SCHIP1: variants seen among roughly 807,000 people sequenced by gnomAD.
SCHIP1 encodes schwannomin interacting protein 1, also known as schwannomin-interacting protein 1.
In SCHIP1, 8 loss-of-function variants were observed where a neutral mutation model predicts 29.7. The observed-to-expected ratio is 0.27, with a 90% CI of 0.16 to 0.49. The LOEUF (loss-of-function observed/expected upper bound fraction) is 0.49. Among genes scored for constraint, SCHIP1 ranks in the 20% least tolerant of loss-of-function variants. SCHIP1 has a pLI of 0.99. For missense variants in SCHIP1, 193 were observed against 294.6 expected (o/e 0.66, Z 2.52); for synonymous variants, 76 against 94.9 (o/e 0.80, Z 1.16).
the SCHIP1 span, among the ~76,000 whole-genome samples, chr3:159,517,552 G>A: frequency 4.6e-5 from 7 of 152,066 alleles, no homozygotes; most frequent in African/African-American, 1.2e-4. Flanking sequence ...TTACTGATAT[G>A]ATGTGTGTCA....
chr3:159,657,801 C>T, the SCHIP1 span, among the ~76,000 whole-genome samples: 125 of 152,316 alleles, frequency 8.2e-4, no homozygotes, highest in Non-Finnish European at 1.4e-3. Context: ...ATTCTGTGGA[C>T]GCAGTTGCTA....
the SCHIP1 span, among the ~76,000 whole-genome samples, chr3:159,308,105 G>T: frequency 7.2e-5 from 11 of 151,940 alleles, 1 homozygote; most frequent in East Asian, 7.7e-4. Context: ...TTTTTATTCT[G>T]TGAAGAATGA....
the SCHIP1 span, among the ~76,000 whole-genome samples, chr3:159,732,386 T>A: frequency 2.0e-5 from 3 of 152,202 alleles, no homozygotes; most frequent in African/African-American, 7.2e-5. Flanking sequence ...GGCAGCCCCA[T>A]CCTGTGTCTG....
the SCHIP1 span, among the ~76,000 whole-genome samples, chr3:159,303,620 G>A: frequency 6.6e-6 from 1 of 152,098 alleles, no homozygotes; most frequent in Admixed American, 6.5e-5. Context: ...ACTGAGCGGT[G>A]GATTGAGAGC....
At chr3:159,406,818 G>C in the SCHIP1 span, among the ~76,000 whole-genome samples, 2 of 152,160 alleles carry the variant, frequency 1.3e-5, no homozygotes, top group Non-Finnish European at 2.9e-5. Flanking sequence ...GTGTTAAGCT[G>C]TCATGAGTTT....
the SCHIP1 span, among the ~76,000 whole-genome samples, chr3:159,645,286 T>C: frequency 2.0e-5 from 3 of 152,052 alleles, no homozygotes. Context: ...ATCAGGCTTA[T>C]CTAAAACAAG....
At chr3:159,331,443 T>C in the SCHIP1 span, among the ~76,000 whole-genome samples, 3 of 152,112 alleles carry the variant, frequency 2.0e-5, no homozygotes, top group South Asian at 6.2e-4. Context: ...GCCAAAGGGA[T>C]ATAGGTGAGG....
At chr3:159,743,049 CT>C in the SCHIP1 span, among the ~76,000 whole-genome samples, 1 of 152,018 alleles carries the variant, frequency 6.6e-6, no homozygotes, top group Non-Finnish European at 1.5e-5. Flanking sequence ...TGACTATCTT[CT>C]TTCTAACTGC....
the SCHIP1 span, among the ~76,000 whole-genome samples, chr3:159,427,988 C>G: frequency 3.9e-5 from 6 of 151,936 alleles, no homozygotes; most frequent in African/African-American, 1.2e-4. Context: ...AACTGGCTAG[C>G]CATATGTAGA....
At chr3:159,363,018 A>G in the SCHIP1 span, among the ~76,000 whole-genome samples, 1 of 152,058 alleles carries the variant, frequency 6.6e-6, no homozygotes. Flanking sequence ...CACTTACCCC[A>G]TTTCCCTCTC....
At chr3:159,671,059 A>G in the SCHIP1 span, among the ~76,000 whole-genome samples, 1 of 152,158 alleles carries the variant, frequency 6.6e-6, no homozygotes, top group Admixed American at 6.5e-5. Context: ...CACAGGTCAC[A>G]TACCCATGGA....
At chr3:159,354,629 T>C in the SCHIP1 span, among the ~76,000 whole-genome samples, 4 of 152,110 alleles carry the variant, frequency 2.6e-5, no homozygotes, top group Admixed American at 6.6e-5. Context: ...TGGATGGAGA[T>C]TTAAAATTAC....
chr3:159,875,116 G>A (rs1350741194), intron 2 of SCHIP1, among the ~76,000 whole-genome samples: 1 of 151,126 alleles, frequency 6.6e-6, no homozygotes, highest in Non-Finnish European at 1.5e-5. Context: ...AGTGAAGCAA[G>A]ATTTGAAGTA....
chr3:159,567,108 T>A, the SCHIP1 span, among the ~76,000 whole-genome samples: 1 of 152,232 alleles, frequency 6.6e-6, no homozygotes, highest in Non-Finnish European at 1.5e-5. Flanking sequence ...CAAATGCTAG[T>A]GAGTTTAAAG....
At chr3:159,556,172 C>T in the SCHIP1 span, among the ~76,000 whole-genome samples, 2 of 152,138 alleles carry the variant, frequency 1.3e-5, no homozygotes, top group Admixed American at 1.3e-4. Context: ...AAAAAATGCT[C>T]ACCATCACTG....
chr3:159,459,257 T>G, the SCHIP1 span, among the ~76,000 whole-genome samples: 2 of 152,092 alleles, frequency 1.3e-5, no homozygotes, highest in Non-Finnish European at 2.9e-5. Context: ...CATGGTGGTT[T>G]TATAATGCTG....
At chr3:159,274,079 G>A in the SCHIP1 span, 1 of 983,854 alleles carries the variant, frequency 1.0e-6, no homozygotes, top group Non-Finnish European at 1.2e-6. Context: ...TGCATAGTTA[G>A]TATGTGGATA....
intron 1 of SCHIP1, among the ~76,000 whole-genome samples, chr3:159,843,001 CTTTT>C (rs566940351): frequency 9.7e-4 from 62 of 63,708 alleles, no homozygotes; most frequent in East Asian, 6.6e-3. Flanking sequence ...ATATTTCTTT[CTTTT>C]TTTTTTTTTT....
chr3:159,794,006 C>T, the SCHIP1 span, among the ~76,000 whole-genome samples: 188 of 152,306 alleles, frequency 1.2e-3, 1 homozygote, highest in African/African-American at 4.4e-3. Context: ...ACATTCGGCC[C>T]ACCCGGGTAA....
Sources: gnomAD v4.1 joint callset for allele counts (sites outside exome capture counted in the v4.1 genomes callset) on GRCh38, gnomAD v4.1.1 for gene constraint, MANE v1.5 for transcripts, NCBI Gene and HGNC (gene_info 2026-07-23, HGNC 2026-07-21) for gene names.